PCDHGA11: variants seen among roughly 807,000 people sequenced by gnomAD.
PCDHGA11 encodes the protein protocadherin gamma-A11.
PCDHGA11 carries 39 observed loss-of-function variants against 60.4 expected under a neutral mutation model. That is an observed-to-expected ratio of 0.65 (90% confidence interval 0.50 to 0.84). The LOEUF (loss-of-function observed/expected upper bound fraction) is 0.84, where lower values mean the gene tolerates loss of function less well. Among genes scored for constraint, PCDHGA11 ranks in the 40% least tolerant of loss-of-function variants. The pLI, the probability that PCDHGA11 is intolerant of heterozygous loss-of-function variation, is 0.00. For missense variants in PCDHGA11, 1,165 were observed against 1,197.7 expected (o/e 0.97, Z 0.40); for synonymous variants, 533 against 510.3 (o/e 1.04, Z -0.60).
rs71576115 is a variant in PCDHGA11 at position 141,463,438 on chromosome 5, C to CTTTT, written c.2434-31344_2434-31341dup. Among the ~76,000 whole-genome samples, 106 of 103,254 alleles carry CTTTT rather than the reference C, an allele frequency of 1.0e-3. 8 individuals are homozygous for CTTTT. Among genetic ancestry groups the CTTTT allele is most frequent in the African/African-American group, 3.9e-3 (88 of 22,404 alleles). The allele number at this position is 103,254 out of a possible 152,430, so 67.7% of individuals were successfully genotyped here. ...GTTTGCGGATCCTCATTTCCTTCTC[C>CTTTT]TTTTTTTTTTTTTTTTTTTTTTTTT... is the stretch of plus-strand genomic sequence containing the variant. On this transcript the variant is annotated intron_variant, in intron 1 of 3. Transcript: ENST00000398587.
chr5:141,447,428 G>A (rs542079336), intron 1 of PCDHGA11, among the ~76,000 whole-genome samples: 4 of 152,182 alleles, frequency 2.6e-5, no homozygotes, highest in East Asian at 1.9e-4. Flanking sequence ...GTGAGCCACC[G>A]CACCCGGAGG....
chr5:141,497,740 C>T (rs954595046), intron 2 of PCDHGA11, among the ~76,000 whole-genome samples: 1 of 152,054 alleles, frequency 6.6e-6, no homozygotes, highest in South Asian at 2.1e-4. Context: ...GGTTTCGCCA[C>T]GTTGGCCAGG....
At chr5:141,430,925 C>G (rs1313621122) in intron 1 of PCDHGA11, 2 of 1,607,162 alleles carry the variant, frequency 1.2e-6, no homozygotes, top group Non-Finnish European at 8.5e-7. Context: ...GGGGCTGGAG[C>G]CCCGGGAGCT....
intron 1 of PCDHGA11, among the ~76,000 whole-genome samples, chr5:141,475,750 T>C (rs1158317865): frequency 6.6e-6 from 1 of 152,270 alleles, no homozygotes; most frequent in African/African-American, 2.4e-5. Context: ...AGGTTTCCTA[T>C]GCACCGATAC....
Position 141,421,325 on chromosome 5 carries a change from G to T in PCDHGA11, c.98G>T (p.Arg33Leu). The T allele has an allele frequency of 6.2e-7, 1 of 1,613,906 alleles. No individual in the cohort carries two copies. Among genetic ancestry groups the T allele is most frequent in the Non-Finnish European group, 8.5e-7 (1 of 1,179,874 alleles). The change falls in exon 1 of 4, where the codon CGA (arginine) becomes CTA (leucine). Residue 33 changes from arginine to leucine, a missense_variant. By Grantham distance (102) the Arg-to-Leu change is moderately radical (BLOSUM62 -2). Coordinates refer to ENST00000398587, the MANE Select transcript of PCDHGA11 (RefSeq NM_018914.3). Reference protein sequence around the residue: ...TLRGFRARQIRYSVPEETEKG... With the variant: ...TLRGFRARQILYSVPEETEKG... The stretch of plus-strand genomic sequence containing the variant: ...CGGGGGTTCCGGGCCAGGCAGATCC[G>T]ATATTCGGTGCCAGAAGAGACCGAA...
intron 1 of PCDHGA11, among the ~76,000 whole-genome samples, chr5:141,425,350 A>G (rs926657846): frequency 6.6e-6 from 1 of 152,194 alleles, no homozygotes; most frequent in Non-Finnish European, 1.5e-5. Context: ...TGGCTTTGAA[A>G]TGTGATATTA....
chr5:141,451,576 C>G (rs997933491), intron 1 of PCDHGA11, among the ~76,000 whole-genome samples: 10 of 152,164 alleles, frequency 6.6e-5, no homozygotes, highest in Middle Eastern at 3.4e-3. Context: ...TTTTTATAAA[C>G]CTAATTTTGA....
chr5:141,501,290 TAC>T (rs55762287), intron 2 of PCDHGA11, among the ~76,000 whole-genome samples: 11,544 of 136,022 alleles, frequency 0.085, 708 homozygotes, highest in East Asian at 0.37. Context: ...TATTCCCTTA[TAC>T]ACACACACAC....
intron 1 of PCDHGA11, among the ~76,000 whole-genome samples, chr5:141,482,765 T>C (rs2099572013): frequency 7.9e-6 from 1 of 127,068 alleles, no homozygotes; most frequent in African/African-American, 3.6e-5. Flanking sequence ...TATTTCATTA[T>C]CACTGAACCT....
chr5:141,484,549 G>A (rs939394402), intron 1 of PCDHGA11, among the ~76,000 whole-genome samples: 1 of 152,162 alleles, frequency 6.6e-6, no homozygotes, highest in African/African-American at 2.4e-5. Context: ...GTTCTAATTA[G>A]CAGTTGCTCC....
At chr5:141,500,947 C>T (rs933082173) in intron 2 of PCDHGA11, among the ~76,000 whole-genome samples, 15 of 151,822 alleles carry the variant, frequency 9.9e-5, no homozygotes, top group African/African-American at 3.6e-4. Context: ...CGGCTCACTG[C>T]AAGCTCCACC....
Position 141,432,394 on chromosome 5 carries a change from C to T in PCDHGA11, c.2433+8734C>T, listed in dbSNP as rs149830124. The T allele has an allele frequency of 1.7e-5, 27 of 1,614,260 alleles. No individual in the cohort carries two copies. The African/African-American group carries it at 2.7e-4, about 16-fold the overall frequency. On this transcript the variant is annotated intron_variant, in intron 1 of 3. Transcript: ENST00000398587. The surrounding 1 kb of genome is among the most constrained non-coding windows in gnomAD (Gnocchi z 6.0). ...ACGGGCACCCGCCCCTCAGCAGCAA[C>T]GTGTCGTTGAGCCTGTTCGTGCTGG...
chr5:141,492,071 C>T (rs992716777), intron 1 of PCDHGA11: 7 of 481,874 alleles, frequency 1.5e-5, no homozygotes, highest in African/African-American at 1.4e-4. Context: ...CTCCTAGGCG[C>T]CGGCTCCGGC....
In PCDHGA11 at chr5:141,432,113, T is replaced by G. The variant is rs1174697940; in HGVS notation, c.2433+8453T>G. 1 of 1,614,078 alleles carries G rather than the reference T, an allele frequency of 6.2e-7. No homozygotes were observed. The highest frequency in any genetic ancestry group is 8.5e-7 in the Non-Finnish European group (1 of 1,180,006). On this transcript the variant is annotated intron_variant, in intron 1 of 3. Coordinates refer to ENST00000398587, the MANE Select transcript of PCDHGA11 (RefSeq NM_018914.3). The surrounding 1 kb of genome is among the most constrained non-coding windows in gnomAD (Gnocchi z 6.0). ...AGACACCAACGACAACCCGCCGGTC[T>G]TCCCTCAGGCCTCCTATTCCGCTTA... is the stretch of plus-strand genomic sequence containing the variant.
rs138641753 is a variant in PCDHGA11, at chr5:141,430,814, C to T, written c.2433+7154C>T. On this transcript the variant is annotated intron_variant, in intron 1 of 3. Transcript: ENST00000398587. ...CAAAGGGCTTGTCCTGCTGGGAATC[C>T]TCCTGGGGACTCTGTGGGAGACCGG... is the stretch of plus-strand genomic sequence containing the variant. 97 of 1,534,514 alleles carry T rather than the reference C, an allele frequency of 6.3e-5. No homozygotes were observed. The African/African-American group carries it at 1.1e-3, about 17-fold the overall frequency.
intron 1 of PCDHGA11, among the ~76,000 whole-genome samples, chr5:141,434,742 G>A (rs1177333213): frequency 6.6e-6 from 1 of 151,500 alleles, no homozygotes; most frequent in Non-Finnish European, 1.5e-5. Context: ...TGAAGGCTAT[G>A]AGACCCCTGA....
In PCDHGA11 at chr5:141,488,566, A is replaced by T. The variant is rs1354931497; in HGVS notation, c.2434-6241A>T. On this transcript the variant is annotated intron_variant, in intron 1 of 3. Coordinates refer to ENST00000398587, the MANE Select transcript of PCDHGA11 (RefSeq NM_018914.3). ...TGTCAGCTGACATTGAGATTTCCGC[A>T]AAGCATTGCTGGAGAGTCAGGGCAA... 5.9e-5 allele frequency among the ~76,000 whole-genome samples: 9 copies of T among 152,324 alleles called. No individual in the cohort carries two copies. In the East Asian group the frequency reaches 1.5e-3, roughly 26 times the overall value.
intron 1 of PCDHGA11, among the ~76,000 whole-genome samples, chr5:141,465,094 G>GT (rs138941665): frequency 0.11 from 15,577 of 148,094 alleles, 909 homozygotes; most frequent in African/African-American, 0.15. Flanking sequence ...TTTTCTAGTA[G>GT]TTTTTTTTTT....
intron 1 of PCDHGA11, among the ~76,000 whole-genome samples, chr5:141,452,529 G>A (rs758947494): frequency 1.3e-5 from 2 of 152,176 alleles, no homozygotes; most frequent in Non-Finnish European, 2.9e-5. Context: ...AAAATCGTGA[G>A]TTCATATTGA....
Sources: allele counts gnomAD v4.1 joint callset (sites outside exome capture counted in the v4.1 genomes callset), GRCh38; gene constraint gnomAD v4.1.1; non-coding constraint Gnocchi (gnomAD v3.1); transcripts MANE v1.5; gene names NCBI Gene and HGNC (gene_info 2026-07-23, HGNC 2026-07-21).